The following CCBE1 variants were observed in gnomAD, a reference collection of about 807,000 sequenced individuals.
CCBE1 encodes the protein collagen and calcium-binding EGF domain-containing protein 1.
A neutral mutation model predicts 50.0 loss-of-function variants in CCBE1; 37 were observed. The ratio of observed to expected loss-of-function variants is 0.74; its 90% CI spans 0.57 to 0.97. The LOEUF (loss-of-function observed/expected upper bound fraction) is 0.97. CCBE1 is among the 50% of genes least tolerant of loss of function. The pLI, the probability that CCBE1 is intolerant of heterozygous loss-of-function variation, is 0.00. For missense variants in CCBE1, 538 were observed against 523.8 expected (o/e 1.03, Z -0.26); for synonymous variants, 234 against 203.7 (o/e 1.15, Z -1.27).
chr18:59,588,602 G>T (rs1157358705), intron 2 of CCBE1, among the ~76,000 whole-genome samples: 1 of 152,156 alleles, frequency 6.6e-6, no homozygotes, highest in African/African-American at 2.4e-5. Flanking sequence ...CTACCAGATA[G>T]CAAGAAGTAT....
chr18:59,515,198 T>C (rs1468952118), intron 2 of CCBE1, among the ~76,000 whole-genome samples: 1 of 152,216 alleles, frequency 6.6e-6, no homozygotes, highest in Non-Finnish European at 1.5e-5. Flanking sequence ...TACACGTTCT[T>C]TGCGCTGAGC....
At chr18:59,610,804 G>A (rs1044306757) in intron 2 of CCBE1, among the ~76,000 whole-genome samples, 1 of 152,248 alleles carries the variant, frequency 6.6e-6, no homozygotes, top group Admixed American at 6.5e-5. Flanking sequence ...ATTCTTCACA[G>A]AGCCAGCTAG....
At chr18:59,436,245 C>T (rs1475075363) in intron 10 of CCBE1, 104 bp from the exon 11 acceptor site, 2 of 982,480 alleles carry the variant, frequency 2.0e-6, no homozygotes, top group East Asian at 2.5e-5. Flanking sequence ...TTCTCAATAA[C>T]TCTGTGCCCC....
chr18:59,669,197 G>A (rs905084704), intron 2 of CCBE1, among the ~76,000 whole-genome samples: 1 of 152,036 alleles, frequency 6.6e-6, no homozygotes, highest in African/African-American at 2.4e-5. Context: ...TTCCAATATG[G>A]TATCACCAGT....
At position 59,431,618 on chromosome 18, in the gene CCBE1, C is replaced by G. The variant is rs1321389765; in HGVS notation, c.*4290G>C. The G allele has an allele frequency of 6.6e-6, 1 of 152,244 alleles. No homozygotes were observed. Among genetic ancestry groups the G allele is most frequent in the Admixed American group, 6.5e-5 (1 of 15,278 alleles). 9.4% of individuals were successfully genotyped at this position (152,244 alleles called of 1,614,324 possible). On this transcript the variant is annotated 3_prime_UTR_variant, in exon 11 of 11. Coordinates refer to ENST00000439986, the MANE Select transcript of CCBE1 (RefSeq NM_133459.4). ...TTGCATACCTGGGAACAGGGCTCAC[C>G]AGGCCCACAGCAATTATGAACCTTG...
intron 2 of CCBE1, among the ~76,000 whole-genome samples, chr18:59,587,136 C>T (rs1182188200): frequency 6.6e-6 from 1 of 152,230 alleles, no homozygotes; most frequent in Non-Finnish European, 1.5e-5. Context: ...TCTAACTCCA[C>T]AGAAACTCTT....
At chr18:59,648,188 C>T (rs1568252688) in intron 2 of CCBE1, among the ~76,000 whole-genome samples, 1 of 152,246 alleles carries the variant, frequency 6.6e-6, no homozygotes, top group Non-Finnish European at 1.5e-5. Flanking sequence ...TAGAAGCCTA[C>T]TCAGTAAGTG....
At chr18:59,498,510 AT>A (rs1913462322) in intron 2 of CCBE1, among the ~76,000 whole-genome samples, 2 of 152,200 alleles carry the variant, frequency 1.3e-5, no homozygotes, top group Non-Finnish European at 2.9e-5. Context: ...ATTTCTATGC[AT>A]TTTATGGAAT....
intron 2 of CCBE1, chr18:59,568,656 T>C (rs2144478006): frequency 6.6e-6 from 1 of 152,322 alleles, no homozygotes; most frequent in East Asian, 1.9e-4. Context: ...CCAAAAACAG[T>C]GCACGCTGTA....
chr18:59,535,580 T>C (rs1915214396), intron 2 of CCBE1, among the ~76,000 whole-genome samples: 1 of 152,202 alleles, frequency 6.6e-6, no homozygotes, highest in Non-Finnish European at 1.5e-5. Context: ...AATTCAAGTA[T>C]ATGAGTGTAA....
intron 2 of CCBE1, among the ~76,000 whole-genome samples, chr18:59,551,025 A>G (rs12959409): frequency 0.11 from 12,800 of 111,998 alleles, 794 homozygotes; most frequent in African/African-American, 0.27. Flanking sequence ...AAAAAAAAAA[A>G]AAAAGAAAAG....
Position 59,669,545 on chromosome 18 carries a change from G to A in CCBE1, c.212+27084C>T, listed in dbSNP as rs77858995. Among the ~76,000 whole-genome samples, 892 of 152,370 alleles carry A rather than the reference G, an allele frequency of 5.9e-3. 5 individuals are homozygous for A. Among genetic ancestry groups the A allele is most frequent in the African/African-American group, 0.019 (795 of 41,588 alleles). ...CACTACTGGGGAACACATGGACATT[G>A]CTCCTTAGGGCCCATGTGCACCTAC... On this transcript the variant is annotated intron_variant, in intron 2 of 10. Coordinates refer to ENST00000439986, the MANE Select transcript of CCBE1 (RefSeq NM_133459.4).
At chr18:59,459,236 C>T (rs1258529395) in intron 5 of CCBE1, 6 of 152,174 alleles carry the variant, frequency 3.9e-5, no homozygotes, top group Admixed American at 6.5e-5. Context: ...CTTTTCAATA[C>T]AGCTCTCAAG....
chr18:59,523,092 CTT>C (rs1568185647), intron 2 of CCBE1, among the ~76,000 whole-genome samples: 1 of 151,530 alleles, frequency 6.6e-6, no homozygotes, highest in African/African-American at 2.4e-5. Context: ...GACTTAGAAG[CTT>C]TTGATTGCCA....
rs139301886 is a variant in CCBE1, at chr18:59,551,247, T to C, written c.213-71009A>G. On this transcript the variant is annotated intron_variant, in intron 2 of 10. Transcript: ENST00000439986. Reference sequence around the variant, plus strand: ...CTGTACAACACGTGATAATAAATACTGTATGCAATTGTAACACAATGGTAA... The same window carrying C: ...CTGTACAACACGTGATAATAAATACCGTATGCAATTGTAACACAATGGTAA... Among the ~76,000 whole-genome samples the C allele has an allele frequency of 1.5e-3, 226 of 152,212 alleles. 1 individual carries two copies. The highest frequency in any genetic ancestry group is 4.9e-3 in the African/African-American group (205 of 41,512).
chr18:59,562,193 T>A (rs2052748671), intron 2 of CCBE1, among the ~76,000 whole-genome samples: 1 of 141,794 alleles, frequency 7.1e-6, no homozygotes, highest in African/African-American at 3.0e-5. Context: ...TTTAGTATGG[T>A]CTTTCATGCA....
At chr18:59,513,293 G>C (rs1364022371) in intron 2 of CCBE1, among the ~76,000 whole-genome samples, 1 of 146,550 alleles carries the variant, frequency 6.8e-6, no homozygotes, top group Non-Finnish European at 1.5e-5. Context: ...GGGTGACAGA[G>C]AGACTGTCTC....
At chr18:59,620,715 CTGA>C (rs921172269) in intron 2 of CCBE1, among the ~76,000 whole-genome samples, 2 of 152,202 alleles carry the variant, frequency 1.3e-5, no homozygotes, top group Non-Finnish European at 2.9e-5. Context: ...GCTCTCCTGC[CTGA>C]TGCCATATAA....
chr18:59,480,728 A>G (rs1434355718), intron 2 of CCBE1, among the ~76,000 whole-genome samples: 2 of 151,592 alleles, frequency 1.3e-5, no homozygotes, highest in African/African-American at 4.9e-5. Context: ...ACTGGAACCC[A>G]AGCATTCTGA....
Sources: allele counts gnomAD v4.1 joint callset (sites outside exome capture counted in the v4.1 genomes callset), GRCh38; gene constraint gnomAD v4.1.1; transcripts MANE v1.5; gene names NCBI Gene and HGNC (gene_info 2026-07-23, HGNC 2026-07-21).